Variants in GRIK2 observed in about 807,000 individuals in gnomAD.
GRIK2 encodes glutamate ionotropic receptor kainate type subunit 2, also known as glutamate receptor ionotropic, kainate 2.
GRIK2 carries 32 observed loss-of-function variants against 100.3 expected under a neutral mutation model. The ratio of observed to expected loss-of-function variants is 0.32; its 90% confidence interval spans 0.24 to 0.43. The LOEUF (loss-of-function observed/expected upper bound fraction) is 0.43. GRIK2 is among the 20% of genes least tolerant of loss of function. The pLI, the probability that GRIK2 is intolerant of heterozygous loss-of-function variation, is 1.00. For synonymous variants in GRIK2, 417 were observed against 389.4 expected (o/e 1.07, Z -0.83); for missense variants, 843 against 1,114.9 (o/e 0.76, Z 3.47).
chr6:101,573,247 A>C (rs1777640637), intron 2 of GRIK2, among the ~76,000 whole-genome samples: 1 of 152,192 alleles, frequency 6.6e-6, no homozygotes, highest in Non-Finnish European at 1.5e-5. Flanking sequence ...GGAAGACCTC[A>C]AACTTTGCTC....
intron 10 of GRIK2, among the ~76,000 whole-genome samples, chr6:101,845,785 T>C (rs573871535): frequency 1.6e-4 from 25 of 152,304 alleles, no homozygotes; most frequent in East Asian, 5.8e-4. Flanking sequence ...CTAGCAAATG[T>C]ATGAAGGTTC....
At chr6:101,405,640 G>C (rs1485119916) in intron 2 of GRIK2, among the ~76,000 whole-genome samples, 1 of 151,818 alleles carries the variant, frequency 6.6e-6, no homozygotes, top group Non-Finnish European at 1.5e-5. Context: ...TTTTCTTGCT[G>C]AAACTTCTAT....
At chr6:101,784,092 G>A (rs902196841) in intron 7 of GRIK2, among the ~76,000 whole-genome samples, 1 of 152,212 alleles carries the variant, frequency 6.6e-6, no homozygotes, top group Admixed American at 6.5e-5. Context: ...GTAACGAGGA[G>A]CGGAATGTTA....
intron 12 of GRIK2, among the ~76,000 whole-genome samples, chr6:101,894,100 ATAT>A (rs1787280206): frequency 6.6e-6 from 1 of 151,552 alleles, no homozygotes; most frequent in South Asian, 2.1e-4. Context: ...CATATTAATA[ATAT>A]TAATTTTATT....
chr6:101,862,033 G>A (rs1178253355), intron 11 of GRIK2, among the ~76,000 whole-genome samples: 1 of 152,090 alleles, frequency 6.6e-6, no homozygotes, highest in Non-Finnish European at 1.5e-5. Flanking sequence ...GATTACAACG[G>A]AACAGAAATT....
chr6:101,854,252 T>G (rs1784298579), intron 10 of GRIK2, among the ~76,000 whole-genome samples: 1 of 151,902 alleles, frequency 6.6e-6, no homozygotes, highest in Admixed American at 6.6e-5. Context: ...GCTAGAAAAA[T>G]TAAGTCTATT....
chr6:101,758,499 TG>T (rs752364718), intron 7 of GRIK2, among the ~76,000 whole-genome samples: 4 of 152,216 alleles, frequency 2.6e-5, no homozygotes, highest in Admixed American at 2.6e-4. Context: ...CATTGCTCCC[TG>T]TTGGAAGATA....
intron 10 of GRIK2, among the ~76,000 whole-genome samples, chr6:101,828,056 A>G (rs542610907): frequency 3.0e-4 from 45 of 152,142 alleles, no homozygotes; most frequent in Non-Finnish European, 6.3e-4. Flanking sequence ...TAAGTTTTAA[A>G]AAACTGAAAT....
chr6:101,649,058 G>T (rs1781663428), intron 4 of GRIK2, among the ~76,000 whole-genome samples: 1 of 152,058 alleles, frequency 6.6e-6, no homozygotes, highest in South Asian at 2.1e-4. Context: ...GACACGTGGA[G>T]ATTATTACAA....
At chr6:101,869,357 T>G (rs1199926995) in intron 11 of GRIK2, among the ~76,000 whole-genome samples, 1 of 151,946 alleles carries the variant, frequency 6.6e-6, no homozygotes, top group Admixed American at 6.6e-5. Context: ...TGTATTGGTA[T>G]GCTAATATGT....
At chr6:101,996,589 A>C (rs188817723) in intron 14 of GRIK2, among the ~76,000 whole-genome samples, 1 of 152,258 alleles carries the variant, frequency 6.6e-6, no homozygotes, top group African/African-American at 2.4e-5. Flanking sequence ...TGTATTTTTT[A>C]GAAAATTACC....
rs572041308 is a variant in GRIK2 at position 101,491,190 on chromosome 6, G to T, written c.115+91798G>T. On this transcript the variant is annotated intron_variant, in intron 2 of 16. Coordinates refer to ENST00000369134, the MANE Select transcript of GRIK2 (RefSeq NM_021956.5). ...GGCTAATATGAATGAATGAGGAAAAGAAGAAGTAAAACGCCTGTCTGTACA... is the reference window on the plus strand; with the variant it reads ...GGCTAATATGAATGAATGAGGAAAATAAGAAGTAAAACGCCTGTCTGTACA... Among the ~76,000 whole-genome samples, 65 of 148,552 alleles carry T rather than the reference G, an allele frequency of 4.4e-4. 1 individual carries two copies. The highest frequency in any genetic ancestry group is 1.6e-3 in the South Asian group (7 of 4,506).
chr6:101,691,485 A>T (rs1235133454), intron 7 of GRIK2, among the ~76,000 whole-genome samples: 2 of 151,882 alleles, frequency 1.3e-5, no homozygotes, highest in Non-Finnish European at 2.9e-5. Context: ...TTTGCTAAAG[A>T]TGGGTTTTCA....
chr6:101,947,859 A>G (rs1218323565), intron 14 of GRIK2, among the ~76,000 whole-genome samples: 6 of 152,142 alleles, frequency 3.9e-5, no homozygotes, highest in Non-Finnish European at 8.8e-5. Context: ...ATCCTTTGAT[A>G]TTTGTCAGAC....
chr6:101,443,813 A>G (rs1316181278), intron 2 of GRIK2, among the ~76,000 whole-genome samples: 1 of 152,026 alleles, frequency 6.6e-6, no homozygotes, highest in African/African-American at 2.4e-5. Flanking sequence ...GTAATTTGCC[A>G]TACCTCAATT....
intron 7 of GRIK2, among the ~76,000 whole-genome samples, chr6:101,755,891 A>C (rs185579356): frequency 5.9e-5 from 9 of 152,340 alleles, no homozygotes; most frequent in African/African-American, 2.2e-4. Context: ...TTTATGAAAC[A>C]TTATTATAAT....
chr6:101,519,633 A>AT (rs202117793), intron 2 of GRIK2, among the ~76,000 whole-genome samples: 24 of 151,778 alleles, frequency 1.6e-4, no homozygotes, highest in African/African-American at 4.8e-4. Context: ...AGAAAGTGGG[A>AT]TTTTTTTTCC....
chr6:101,533,715 C>T (rs1451649095), intron 2 of GRIK2, among the ~76,000 whole-genome samples: 2 of 151,864 alleles, frequency 1.3e-5, no homozygotes, highest in South Asian at 2.1e-4. Context: ...CAATGTGAAT[C>T]GTGCTCTGGG....
chr6:101,882,965 A>T (rs112201925), intron 11 of GRIK2, among the ~76,000 whole-genome samples: 1 of 152,082 alleles, frequency 6.6e-6, no homozygotes, highest in African/African-American at 2.4e-5. Context: ...ACTATTATTT[A>T]TCATAGCAAA....
Sources: allele counts gnomAD v4.1 joint callset (sites outside exome capture counted in the v4.1 genomes callset), GRCh38; gene constraint gnomAD v4.1.1; transcripts MANE v1.5; gene names NCBI Gene and HGNC (gene_info 2026-07-23, HGNC 2026-07-21).